Variants in RAD51B observed in about 807,000 individuals in gnomAD.
RAD51B encodes the protein RAD51 paralog B.
A neutral mutation model predicts 42.2 loss-of-function variants in RAD51B; 38 were observed. That is an observed-to-expected ratio of 0.90 (90% confidence interval 0.70 to 1.18). RAD51B has a LOEUF of 1.18. RAD51B is among the 50% of genes most tolerant of loss of function. The probability of loss-of-function intolerance (pLI) is 0.00; values close to 1 mark genes in which losing one functional copy is unlikely to be tolerated. For synonymous variants in RAD51B, 154 were observed against 145.2 expected (o/e 1.06, Z -0.43); for missense variants, 373 against 400.7 (o/e 0.93, Z 0.59).
rs1383466837 is a variant in RAD51B at position 68,188,423 on chromosome 14, T to C, written c.757-103461T>C. 2.0e-5 allele frequency among the ~76,000 whole-genome samples: 3 copies of C among 151,394 alleles called. No individual in the cohort carries two copies. The East Asian group carries it at 5.9e-4, about 30-fold the overall frequency. On this transcript the variant is annotated intron_variant, in intron 7 of 10. Transcript: ENST00000471583. ...CCTTCCCTTTCTCCCATCTTTCTTC[T>C]TTCTCCTCTTCTTTCTTCTTCTTTT...
chr14:68,097,043 A>G (rs1290836201), intron 7 of RAD51B, among the ~76,000 whole-genome samples: 1 of 152,202 alleles, frequency 6.6e-6, no homozygotes, highest in East Asian at 1.9e-4. Flanking sequence ...GTATACATCC[A>G]TCTTCCTCAT....
chr14:67,974,637 A>T (rs1012362140), intron 7 of RAD51B, among the ~76,000 whole-genome samples: 2 of 152,194 alleles, frequency 1.3e-5, no homozygotes, highest in Non-Finnish European at 2.9e-5. Flanking sequence ...GTTTAAACTT[A>T]CTACAGTACA....
chr14:68,062,243 C>T (rs1009758215), intron 7 of RAD51B, among the ~76,000 whole-genome samples: 7 of 152,130 alleles, frequency 4.6e-5, no homozygotes, highest in Non-Finnish European at 1.0e-4. Flanking sequence ...TGGAACAAAT[C>T]CCAGTTGATC....
chr14:68,040,426 T>A (rs957256587), intron 7 of RAD51B, among the ~76,000 whole-genome samples: 2 of 152,270 alleles, frequency 1.3e-5, no homozygotes, highest in Non-Finnish European at 2.9e-5. Context: ...TCCTAAGTGA[T>A]AATACTCATG....
intron 7 of RAD51B, among the ~76,000 whole-genome samples, chr14:67,924,821 C>A (rs563050981): frequency 2.6e-5 from 4 of 152,178 alleles, no homozygotes; most frequent in African/African-American, 9.7e-5. Flanking sequence ...ATCATGCCTT[C>A]CCAAAAGTCC....
intron 7 of RAD51B, among the ~76,000 whole-genome samples, chr14:68,060,425 C>A (rs956140394): frequency 2.0e-5 from 3 of 152,164 alleles, no homozygotes; most frequent in Admixed American, 2.0e-4. Flanking sequence ...GCTACTTTCT[C>A]AGAATGCAAG....
At chr14:68,275,060 C>T (rs2081193672) in intron 7 of RAD51B, among the ~76,000 whole-genome samples, 1 of 152,224 alleles carries the variant, frequency 6.6e-6, no homozygotes, top group African/African-American at 2.4e-5. Context: ...TTTCTGTCAA[C>T]TTTTCACCTA....
chr14:68,175,921 T>C (rs1329890556), intron 7 of RAD51B, among the ~76,000 whole-genome samples: 2 of 152,230 alleles, frequency 1.3e-5, no homozygotes, highest in African/African-American at 2.4e-5. Context: ...CTTCCTAGAA[T>C]AGTTGCATTC....
In RAD51B at chr14:67,903,887, C is replaced by G. The variant is rs73280488; in HGVS notation, c.756+16683C>G. ...GCATAGTACCCAGTAGGTAGTTTTT[C>G]AGTGCATACCCTCCTCCCACCAGCC... On this transcript the variant is annotated intron_variant, in intron 7 of 10. Transcript: ENST00000471583. Among the ~76,000 whole-genome samples, 1,286 of 152,222 alleles carry G rather than the reference C, an allele frequency of 8.4e-3. 16 individuals carry two copies. The highest frequency in any genetic ancestry group is 0.03 in the African/African-American group (1,248 of 41,524).
At chr14:68,659,884 C>A (rs905281620) in intron 11 of RAD51B, among the ~76,000 whole-genome samples, 2 of 152,226 alleles carry the variant, frequency 1.3e-5, no homozygotes, top group African/African-American at 4.8e-5. Flanking sequence ...GATGCTGACA[C>A]CTGCAATGGG....
chr14:68,133,526 C>T (rs1352557628), intron 7 of RAD51B, among the ~76,000 whole-genome samples: 10 of 152,130 alleles, frequency 6.6e-5, no homozygotes, highest in East Asian at 1.9e-4. Flanking sequence ...GGCTGGAGTG[C>T]AGTGGCGTGA....
intron 10 of RAD51B, among the ~76,000 whole-genome samples, chr14:68,499,852 G>A (rs1263893383): frequency 1.3e-5 from 2 of 152,184 alleles, no homozygotes; most frequent in East Asian, 3.9e-4. Flanking sequence ...ACCTTGATGT[G>A]GGGCTTCTGG....
intron 7 of RAD51B, among the ~76,000 whole-genome samples, chr14:68,186,038 G>A (rs986981828): frequency 2.0e-5 from 3 of 152,156 alleles, no homozygotes; most frequent in African/African-American, 7.2e-5. Context: ...GAACAGAATA[G>A]AGAACCCTGA....
chr14:68,119,117 A>G (rs1374510809), intron 7 of RAD51B, among the ~76,000 whole-genome samples: 2 of 151,062 alleles, frequency 1.3e-5, no homozygotes, highest in African/African-American at 4.9e-5. Context: ...TAATTTTTCT[A>G]ATTTTTTTTT....
chr14:68,144,093 G>T (rs1344955414), intron 7 of RAD51B, among the ~76,000 whole-genome samples: 1 of 152,056 alleles, frequency 6.6e-6, no homozygotes, highest in Non-Finnish European at 1.5e-5. Context: ...AACTTAAGAT[G>T]GATAACCAGA....
intron 10 of RAD51B, among the ~76,000 whole-genome samples, chr14:68,570,434 T>C (rs1434928653): frequency 3.3e-5 from 5 of 152,138 alleles, no homozygotes; most frequent in Admixed American, 6.5e-5. Context: ...GGAGCCAAGA[T>C]TGGAGGCATC....
At chr14:68,278,263 A>C (rs946718122) in intron 7 of RAD51B, among the ~76,000 whole-genome samples, 2 of 152,256 alleles carry the variant, frequency 1.3e-5, no homozygotes, top group African/African-American at 4.8e-5. Flanking sequence ...AGGATTTAGA[A>C]TGCCACATAG....
chr14:68,144,810 A>G (rs973364519), intron 7 of RAD51B, among the ~76,000 whole-genome samples: 5 of 152,216 alleles, frequency 3.3e-5, no homozygotes, highest in African/African-American at 1.2e-4. Context: ...TTAACTTCAA[A>G]CAGATGAATT....
At chr14:68,175,797 C>T (rs756289449) in intron 7 of RAD51B, among the ~76,000 whole-genome samples, 22 of 152,104 alleles carry the variant, frequency 1.4e-4, no homozygotes, top group African/African-American at 4.1e-4. Context: ...ATCACTCTAC[C>T]GCCTTTTATT....
Sources: allele counts gnomAD v4.1 joint callset (sites outside exome capture counted in the v4.1 genomes callset), GRCh38; gene constraint gnomAD v4.1.1; transcripts MANE v1.5; gene names NCBI Gene and HGNC (gene_info 2026-07-23, HGNC 2026-07-21).